The following NAGK variants were observed in gnomAD, a reference collection of about 807,000 sequenced individuals.
NAGK encodes the protein N-acetylglucosamine kinase.
In NAGK, 35 loss-of-function variants were observed where a neutral mutation model predicts 42.9. The observed-to-expected ratio is 0.82, with a 90% CI of 0.62 to 1.08. The LOEUF is 1.08. Among genes scored for constraint, NAGK ranks in the 50% least tolerant of loss-of-function variants. The pLI is 0.00. For synonymous variants in NAGK, 172 were observed against 176.0 expected (o/e 0.98, Z 0.18); for missense variants, 446 against 446.0 (o/e 1.00, Z 0.00).
At position 71,070,813 on chromosome 2, in the gene NAGK, G is replaced by C. The variant is rs1427724492; in HGVS notation, c.187G>C (p.Asp63His). ...VNRAKRKAGV[D>H]PLVPLRSLGL... ...CAGGGCCAAACGGAAAGCAGGGGTGGATCCTCTGGTACCGCTGCGAAGCTT... is the reference window on the plus strand; with the variant it reads ...CAGGGCCAAACGGAAAGCAGGGGTGCATCCTCTGGTACCGCTGCGAAGCTT... Residue 63 changes from aspartate (D) to histidine (H), a missense_variant, in exon 3 of 10, where the codon GAT (aspartate) becomes CAT (histidine). By Grantham distance (81) the Asp-to-His change is moderately conservative. Transcript: ENST00000244204. The C allele has an allele frequency of 1.2e-6, 2 of 1,614,206 alleles. No homozygotes were observed. The highest frequency in any genetic ancestry group is 1.7e-5 in the Admixed American group (1 of 60,022).
rs566536512 is a variant in NAGK at position 71,077,647 on chromosome 2, G to A, written c.844+11G>A. On this transcript the variant is annotated intron_variant, in intron 9 of 9. Coordinates refer to ENST00000244204, the MANE Select transcript of NAGK (RefSeq NM_017567.6). ...AGCTGCTGAAGGAAGGTGAGCCTGG[G>A]GGGAGGCTGGAAGGGCAAGGGCAGG... The A allele has an allele frequency of 6.3e-7, 1 of 1,598,386 alleles. No homozygotes were observed. Among genetic ancestry groups the A allele is most frequent in the Non-Finnish European group, 8.5e-7 (1 of 1,172,414 alleles).
intron 7 of NAGK, 124 bp from the exon 8 acceptor site, chr2:71,076,480 C>T (rs542744933): frequency 5.7e-6 from 4 of 706,516 alleles, no homozygotes; most frequent in African/African-American, 3.6e-5. Context: ...GGCATCCATC[C>T]GGCAGTAGAC....
At chr2:71,074,066 T>C (rs1461896913) in intron 6 of NAGK, among the ~76,000 whole-genome samples, 2 of 152,014 alleles carry the variant, frequency 1.3e-5, no homozygotes, top group African/African-American at 4.8e-5. Flanking sequence ...CCTCTGGGCG[T>C]TGGGGATTGA....
chr2:71,077,384 T>G (rs1167660870), intron 8 of NAGK, 174 bp from the exon 9 acceptor site: 1 of 625,472 alleles, frequency 1.6e-6, no homozygotes, highest in East Asian at 2.7e-5. Context: ...CCTTGCCCTT[T>G]ACAAATGTCT....
rs1671968161 is a variant in NAGK, at chr2:71,070,677, G to A, written c.115-64G>A. On this transcript the variant is annotated intron_variant, in intron 2 of 9. Transcript: ENST00000244204. ...GGTGGTGGCTGGGACTCACAGAGCA[G>A]CCTGTGGGGGCAACATAGCTTCTGT... 3 of 1,608,036 alleles carry A rather than the reference G, an allele frequency of 1.9e-6. No individual in the cohort carries two copies. The South Asian group carries it at 3.3e-5, about 18-fold the overall frequency.
At chr2:71,071,879 C>T (rs781738223) in intron 4 of NAGK, 52 bp downstream of exon 4, 2 of 1,602,358 alleles carry the variant, frequency 1.2e-6, no homozygotes, top group Non-Finnish European at 1.7e-6. Flanking sequence ...TTTGGGAAAG[C>T]CCCTTAGATA....
rs761507949 is a variant in NAGK at position 71,075,653 on chromosome 2, TG to T, written c.667+17del. ...GGAAAATTGCAGAAGGTACTGGAGGTGGGGGGTGGGTTTTATCTGGCTTTGT... is the reference window on the plus strand; with the variant it reads ...GGAAAATTGCAGAAGGTACTGGAGGTGGGGGTGGGTTTTATCTGGCTTTGT... On this transcript the variant is annotated intron_variant, in intron 7 of 9. Coordinates refer to ENST00000244204, the MANE Select transcript of NAGK (RefSeq NM_017567.6). 5.7e-6 allele frequency: 9 copies of T among 1,576,856 alleles called. No homozygotes were observed. The highest frequency in any genetic ancestry group is 7.8e-6 in the Non-Finnish European group (9 of 1,146,988).
At chr2:71,072,813 T>C (rs1223045442) in intron 5 of NAGK, 62 bp downstream of exon 5, 3 of 1,457,942 alleles carry the variant, frequency 2.1e-6, no homozygotes, top group African/African-American at 2.8e-5. Context: ...ACTCCCTGTC[T>C]TTCTCTCCTT....
chr2:71,076,598 C>T lies in NAGK; in HGVS notation c.668-6C>T, dbSNP rs571761081. The T allele has an allele frequency of 1.9e-6, 3 of 1,608,088 alleles. No individual in the cohort carries two copies. The South Asian group carries it at 3.3e-5, about 18-fold the overall frequency. ...CAGTTTCCTTCTTCCGTCCTCCCTACCCCAGGTGCTCAGCAGGGAGACCCC... is the reference window on the plus strand; with the variant it reads ...CAGTTTCCTTCTTCCGTCCTCCCTATCCCAGGTGCTCAGCAGGGAGACCCC... On this transcript the variant is annotated splice_polypyrimidine_tract_variant and splice_region_variant and intron_variant, in intron 7 of 9. Coordinates refer to ENST00000244204, the MANE Select transcript of NAGK (RefSeq NM_017567.6).
chr2:71,075,836 T>TAC (rs1398489387), intron 7 of NAGK, 194 bp downstream of exon 7: 34 of 592,990 alleles, frequency 5.7e-5, no homozygotes, highest in Non-Finnish European at 6.7e-5. Context: ...GTGTTGACAG[T>TAC]TTTGTATTAC....
chr2:71,078,238 G>T, intron 9 of NAGK, 80 bp from the exon 10 acceptor site: 1 of 1,430,538 alleles, frequency 7.0e-7, no homozygotes, highest in Non-Finnish European at 9.8e-7. Flanking sequence ...GGGTCTGGGC[G>T]TCCTTGTCTG....
chr2:71,070,973 A>C (rs913777640), intron 3 of NAGK, 134 bp downstream of exon 3: 5 of 886,210 alleles, frequency 5.6e-6, no homozygotes, highest in Non-Finnish European at 3.6e-6. Context: ...AAACTGTCAT[A>C]ATCTCACCCA....
intron 3 of NAGK, chr2:71,071,161 G>A: frequency 2.7e-6 from 1 of 373,300 alleles, no homozygotes. Flanking sequence ...AATGTGAATA[G>A]TAGCTACCTC....
At chr2:71,075,743 C>T in intron 7 of NAGK, 101 bp downstream of exon 7, 3 of 1,192,638 alleles carry the variant, frequency 2.5e-6, no homozygotes, top group Non-Finnish European at 3.7e-6. Context: ...CAATTTTCCT[C>T]TCACCAAGTG....
intron 9 of NAGK, 58 bp downstream of exon 9, chr2:71,077,694 G>A: frequency 6.5e-7 from 1 of 1,548,416 alleles, no homozygotes; most frequent in Admixed American, 1.9e-5. Context: ...GAAAGGAGGT[G>A]GCCCAGGAAA....
At chr2:71,075,948 C>A (rs1483838159) in intron 7 of NAGK, 1 of 407,636 alleles carries the variant, frequency 2.5e-6, no homozygotes. Context: ...CTATAACTTT[C>A]TTTTCCTAGC....
chr2:71,070,512 C>G lies in NAGK; in HGVS notation c.40C>G (p.Arg14Gly). The change falls in exon 2 of 10, where the codon CGA (arginine) becomes GGA (glycine). Residue 14 changes from arginine to glycine, a missense_variant. Coordinates refer to ENST00000244204, the MANE Select transcript of NAGK (RefSeq NM_017567.6). ...IYGGVEGGGT[R>G]SEVLLVSEDG... ...TCTTGTGTTCTGTAGGGGAGGCACA[C>G]GATCCGAGGTCCTTTTAGTCTCAGA... 6.2e-7 allele frequency: 1 copy of G among 1,613,662 alleles called. No individual in the cohort carries two copies. Among genetic ancestry groups the G allele is most frequent in the East Asian group, 2.2e-5 (1 of 44,864 alleles).
At chr2:71,068,421 C>A, upstream of NAGK, 1 of 1,285,776 alleles carries the variant, frequency 7.8e-7, no homozygotes, top group Non-Finnish European at 1.0e-6. Flanking sequence ...TCTCTGGAAG[C>A]AGGATCCAGG....
upstream of NAGK, chr2:71,068,555 C>T: frequency 6.7e-7 from 1 of 1,499,318 alleles, no homozygotes; most frequent in Non-Finnish European, 8.9e-7. Context: ...CATGCGCACG[C>T]GCACAGGGAG....
Sources: gnomAD v4.1 joint callset for allele counts (sites outside exome capture counted in the v4.1 genomes callset) on GRCh38, gnomAD v4.1.1 for gene constraint, MANE v1.5 for transcripts, NCBI Gene and HGNC (gene_info 2026-07-23, HGNC 2026-07-21) for gene names.